Variants in NAV2 observed in about 807,000 individuals in gnomAD.
NAV2 encodes the protein neuron navigator 2, also known as helicase, APC down-regulated 1.
A neutral mutation model predicts 223.2 loss-of-function variants in NAV2; 54 were observed. The observed-to-expected ratio is 0.24, with a 90% confidence interval of 0.19 to 0.30. The LOEUF (loss-of-function observed/expected upper bound fraction) is 0.30. NAV2 is among the 10% of genes least tolerant of loss of function. NAV2 has a pLI of 1.00. For missense variants in NAV2, 2,806 were observed against 3,147.5 expected, an observed-to-expected ratio of 0.89 and a Z score of 2.60; for synonymous variants, 1,279 against 1,239.3, an observed-to-expected ratio of 1.03 and a Z score of -0.67.
At chr11:19,946,126 C>T (rs1217521058) in intron 8 of NAV2, among the ~76,000 whole-genome samples, 1 of 152,212 alleles carries the variant, frequency 6.6e-6, no homozygotes, top group Non-Finnish European at 1.5e-5. Flanking sequence ...AATGTGTTTA[C>T]ATCTCAGACT....
chr11:19,682,539 C>T (rs1166067871), intron 1 of NAV2, among the ~76,000 whole-genome samples: 1 of 152,202 alleles, frequency 6.6e-6, no homozygotes, highest in South Asian at 2.1e-4. Context: ...AAAGAAATAC[C>T]TGAGGCTGGG....
chr11:19,629,242 C>A (rs1361732693), intron 1 of NAV2, among the ~76,000 whole-genome samples: 1 of 152,090 alleles, frequency 6.6e-6, no homozygotes, highest in African/African-American at 2.4e-5. Context: ...CTCTGGAACT[C>A]CCAGAGAACA....
chr11:19,848,078 G>C (rs2060903409), intron 3 of NAV2, among the ~76,000 whole-genome samples: 1 of 152,184 alleles, frequency 6.6e-6, no homozygotes, highest in African/African-American at 2.4e-5. Context: ...TAGACTCCAG[G>C]TTTGGTGCCC....
intron 1 of NAV2, among the ~76,000 whole-genome samples, chr11:19,602,985 T>G: frequency 6.6e-6 from 1 of 152,084 alleles, no homozygotes; most frequent in East Asian, 1.9e-4. Context: ...GCATTCTAAG[T>G]TGAGGGAACA....
intron 1 of NAV2, among the ~76,000 whole-genome samples, chr11:19,816,750 GTCAGTGCTT>G (rs1174171616): frequency 6.6e-6 from 1 of 152,158 alleles, no homozygotes; most frequent in African/African-American, 2.4e-5. Flanking sequence ...TCATTCTGAG[GTCAGTGCTT>G]TATGGTCCAT....
chr11:19,958,263 C>A (rs894251391), intron 10 of NAV2, among the ~76,000 whole-genome samples: 1 of 152,150 alleles, frequency 6.6e-6, no homozygotes, highest in African/African-American at 2.4e-5. Flanking sequence ...AGTAAAATCC[C>A]GTGTAAAAAG....
chr11:20,055,526 C>T (rs1263260464), intron 18 of NAV2, among the ~76,000 whole-genome samples: 3 of 152,162 alleles, frequency 2.0e-5, no homozygotes, highest in Non-Finnish European at 2.9e-5. Context: ...CCTGTCTGAA[C>T]GTGCCAAGTT....
chr11:19,681,922 T>C (rs2048890729), intron 1 of NAV2, among the ~76,000 whole-genome samples: 1 of 152,126 alleles, frequency 6.6e-6, no homozygotes, highest in Admixed American at 6.5e-5. Context: ...CACCTCCACC[T>C]GAGAAAATAC....
chr11:19,454,540 C>T (rs1054108567), intron 1 of NAV2, among the ~76,000 whole-genome samples: 2 of 152,114 alleles, frequency 1.3e-5, no homozygotes, highest in African/African-American at 4.8e-5. Context: ...GACAGGGATC[C>T]TGTTTGTTTG....
intron 1 of NAV2, among the ~76,000 whole-genome samples, chr11:19,815,626 C>T (rs371820879): frequency 1.7e-4 from 26 of 152,316 alleles, no homozygotes; most frequent in African/African-American, 5.8e-4. Flanking sequence ...TCATCGTGGT[C>T]ATCTGAATGA....
intron 1 of NAV2, among the ~76,000 whole-genome samples, chr11:19,465,684 A>G (rs1852325503): frequency 6.6e-6 from 1 of 152,232 alleles, no homozygotes; most frequent in African/African-American, 2.4e-5. Flanking sequence ...TAGTCATTTG[A>G]GGATCCACTA....
intron 1 of NAV2, among the ~76,000 whole-genome samples, chr11:19,520,485 G>C (rs1456798449): frequency 6.6e-6 from 1 of 152,172 alleles, no homozygotes; most frequent in African/African-American, 2.4e-5. Context: ...GACTGTCTTT[G>C]CCTCCCAATC....
At chr11:19,429,527 G>A (rs988641783) in intron 1 of NAV2, among the ~76,000 whole-genome samples, 1 of 152,162 alleles carries the variant, frequency 6.6e-6, no homozygotes, top group African/African-American at 2.4e-5. Context: ...CTAATAGGAG[G>A]AAGTTAGACC....
chr11:19,612,826 G>A (rs952074353), intron 1 of NAV2, among the ~76,000 whole-genome samples: 11 of 152,160 alleles, frequency 7.2e-5, no homozygotes, highest in African/African-American at 9.7e-5. Context: ...TTCCAAAGTC[G>A]CTTCCACCTT....
chr11:19,967,915 C>A (rs6483626), intron 10 of NAV2, among the ~76,000 whole-genome samples: 17,030 of 152,136 alleles, frequency 0.11, 1,190 homozygotes, highest in African/African-American at 0.2. Flanking sequence ...TCCACAGGTC[C>A]TGCCAGCCTG....
intron 9 of NAV2, among the ~76,000 whole-genome samples, chr11:19,948,174 C>G (rs918789235): frequency 1.3e-5 from 2 of 152,118 alleles, no homozygotes; most frequent in African/African-American, 4.8e-5. Context: ...CAACCTCAGC[C>G]TCCTGGGTTC....
intron 1 of NAV2, among the ~76,000 whole-genome samples, chr11:19,587,656 G>T (rs182508560): frequency 2.6e-5 from 4 of 152,164 alleles, no homozygotes; most frequent in Non-Finnish European, 4.4e-5. Flanking sequence ...ATTTTCTTTG[G>T]GTACCCAATC....
At chr11:19,524,182 C>A (rs1010194727) in intron 1 of NAV2, among the ~76,000 whole-genome samples, 2 of 152,284 alleles carry the variant, frequency 1.3e-5, no homozygotes, top group African/African-American at 4.8e-5. Context: ...GACATGGTGG[C>A]CACGACCAAG....
intron 19 of NAV2, chr11:20,056,740 A>G: frequency 1.4e-6 from 1 of 716,830 alleles, no homozygotes; most frequent in Non-Finnish European, 2.5e-6. Context: ...TAGGAGTCAG[A>G]CTAGCAGAGT....
Sources: allele counts gnomAD v4.1 joint callset (sites outside exome capture counted in the v4.1 genomes callset), GRCh38; gene constraint gnomAD v4.1.1; transcripts MANE v1.5; gene names NCBI Gene and HGNC (gene_info 2026-07-23, HGNC 2026-07-21).